The following NCOA7 variants were observed in gnomAD, a reference collection of about 807,000 sequenced individuals.
NCOA7 encodes 140 kDa estrogen receptor-associated protein.
NCOA7 carries 45 observed loss-of-function variants against 104.3 expected under a neutral mutation model. The observed-to-expected ratio is 0.43, with a 90% CI of 0.34 to 0.55. The LOEUF (loss-of-function observed/expected upper bound fraction) is 0.55, where lower values mean the gene tolerates loss of function less well. Ranked by LOEUF, NCOA7 falls within the 20% of genes least tolerant of loss-of-function variation. The pLI is 0.02. For missense variants in NCOA7, 1,041 were observed against 1,119.7 expected (o/e 0.93, Z 1.00); for synonymous variants, 398 against 402.3 (o/e 0.99, Z 0.13).
intron 2 of NCOA7, among the ~76,000 whole-genome samples, chr6:125,840,867 G>GTTTTTTTTTTTTT (rs1305583308): frequency 2.0e-4 from 10 of 50,656 alleles, no homozygotes; most frequent in South Asian, 7.1e-4. Context: ...TTGTTTGGTT[G>GTTTTTTTTTTTTT]GTTTTTTTTT....
intron 2 of NCOA7, among the ~76,000 whole-genome samples, chr6:125,837,171 T>C (rs1779685228): frequency 6.6e-6 from 1 of 152,200 alleles, no homozygotes; most frequent in Admixed American, 6.5e-5. Flanking sequence ...AAGGTTTATA[T>C]CAATTTATGA....
intron 10 of NCOA7, among the ~76,000 whole-genome samples, chr6:125,900,450 A>G (rs533868924): frequency 1.3e-5 from 2 of 152,248 alleles, no homozygotes; most frequent in Non-Finnish European, 2.9e-5. Flanking sequence ...CTTTCTCAAC[A>G]GAGCGTTCCT....
At chr6:125,819,574 T>A (rs977806900) in intron 2 of NCOA7, among the ~76,000 whole-genome samples, 3 of 152,198 alleles carry the variant, frequency 2.0e-5, no homozygotes. Flanking sequence ...GCAAAATTAG[T>A]ATATGTCTAT....
At chr6:125,808,820 T>A (rs1776696779) in intron 1 of NCOA7, among the ~76,000 whole-genome samples, 1 of 152,248 alleles carries the variant, frequency 6.6e-6, no homozygotes, top group Non-Finnish European at 1.5e-5. Context: ...ATGATCTGTC[T>A]AGCCCAGAGA....
At chr6:125,783,868 T>G (rs2128536578) in intron 1 of NCOA7, among the ~76,000 whole-genome samples, 1 of 152,346 alleles carries the variant, frequency 6.6e-6, no homozygotes, top group Middle Eastern at 3.4e-3. Flanking sequence ...GGGTGTTCAT[T>G]ATTTAAATGG....
At chr6:125,879,717 G>A (rs1191265577) in intron 5 of NCOA7, among the ~76,000 whole-genome samples, 2 of 152,042 alleles carry the variant, frequency 1.3e-5, no homozygotes, top group Non-Finnish European at 2.9e-5. Context: ...ATTATATTTG[G>A]CCGGGCACAG....
At chr6:125,842,257 G>A (rs559360756) in intron 2 of NCOA7, among the ~76,000 whole-genome samples, 1 of 152,270 alleles carries the variant, frequency 6.6e-6, no homozygotes, top group Admixed American at 6.5e-5. Flanking sequence ...AGTTTAAGTA[G>A]TTAACGGGAA....
At chr6:125,902,708 T>C (rs1785621104) in intron 10 of NCOA7, among the ~76,000 whole-genome samples, 2 of 152,144 alleles carry the variant, frequency 1.3e-5, no homozygotes, top group African/African-American at 4.8e-5. Context: ...GTGACAGGCT[T>C]TTATGAACTA....
intron 1 of NCOA7, among the ~76,000 whole-genome samples, chr6:125,814,477 T>C (rs1379775328): frequency 6.6e-6 from 1 of 152,180 alleles, no homozygotes; most frequent in East Asian, 1.9e-4. Context: ...TTAAATTTGA[T>C]AGGTGAACAA....
At chr6:125,813,999 A>G (rs1777332832) in intron 1 of NCOA7, among the ~76,000 whole-genome samples, 1 of 152,186 alleles carries the variant, frequency 6.6e-6, no homozygotes, top group African/African-American at 2.4e-5. Context: ...AAGACAATAT[A>G]TACTGTTAGA....
In NCOA7 at chr6:125,854,737, A is replaced by G. The variant is rs78328502; in HGVS notation, c.51-283A>G. Among the ~76,000 whole-genome samples, 1,267 of 152,326 alleles carry G rather than the reference A, an allele frequency of 8.3e-3. 27 individuals carry two copies. Among genetic ancestry groups the G allele is most frequent in the Admixed American group, 0.04 (607 of 15,298 alleles). Reference sequence around the variant, plus strand: ...AAAAATACTCAACATTTCTTAGCCTATGGAAGAATCTCATTTTTCCTCAGG... The same window carrying G: ...AAAAATACTCAACATTTCTTAGCCTGTGGAAGAATCTCATTTTTCCTCAGG... On this transcript the variant is annotated intron_variant, in intron 2 of 15. Transcript: ENST00000392477.
At chr6:125,848,565 C>A (rs943001256) in intron 2 of NCOA7, among the ~76,000 whole-genome samples, 2 of 152,106 alleles carry the variant, frequency 1.3e-5, no homozygotes, top group Non-Finnish European at 2.9e-5. Flanking sequence ...AAACCAAACA[C>A]CGAATGTTCT....
At chr6:125,925,632 T>C (rs1787956156) in intron 13 of NCOA7, among the ~76,000 whole-genome samples, 1 of 152,230 alleles carries the variant, frequency 6.6e-6, no homozygotes, top group Non-Finnish European at 1.5e-5. Flanking sequence ...GTTATATCTG[T>C]ATATATTACA....
At chr6:125,818,663 A>C (rs987599196) in intron 2 of NCOA7, 2 of 152,306 alleles carry the variant, frequency 1.3e-5, no homozygotes, top group Non-Finnish European at 2.9e-5. Context: ...AGAAATGGTC[A>C]AGCTATTAAA....
At chr6:125,878,803 G>T (rs1233357885) in intron 5 of NCOA7, among the ~76,000 whole-genome samples, 1 of 152,216 alleles carries the variant, frequency 6.6e-6, no homozygotes, top group Admixed American at 6.5e-5. Flanking sequence ...ATTGGCATAT[G>T]TGTTGGGAGC....
chr6:125,867,337 T>C (rs1467931870), intron 3 of NCOA7, among the ~76,000 whole-genome samples: 4 of 152,366 alleles, frequency 2.6e-5, no homozygotes, highest in South Asian at 2.1e-4. Context: ...TTTGACTAGA[T>C]TTCAGAACCA....
chr6:125,801,760 A>G lies in NCOA7; in HGVS notation c.-65+10693A>G, dbSNP rs1430052703. ...ATTCTCCTTTTGTGTCTCTATCACT[A>G]CATGGCCATCTTCTTATGGGGATTC... On this transcript the variant is annotated intron_variant, in intron 1 of 15. Transcript: ENST00000392477. 2.0e-5 allele frequency among the ~76,000 whole-genome samples: 3 copies of G among 152,226 alleles called. No homozygotes were observed. The East Asian group carries it at 5.8e-4, about 29-fold the overall frequency.
At chr6:125,819,756 A>G (rs1777990888) in intron 2 of NCOA7, among the ~76,000 whole-genome samples, 1 of 152,150 alleles carries the variant, frequency 6.6e-6, no homozygotes, top group Admixed American at 6.5e-5. Flanking sequence ...CCTTGTAGTT[A>G]GAATGCAAAA....
At chr6:125,866,782 C>T (rs996511859) in intron 3 of NCOA7, among the ~76,000 whole-genome samples, 14 of 152,132 alleles carry the variant, frequency 9.2e-5, no homozygotes, top group African/African-American at 3.4e-4. Context: ...GATGTCACTG[C>T]AATGTTTTAA....
Sources: allele counts gnomAD v4.1 joint callset (sites outside exome capture counted in the v4.1 genomes callset), GRCh38; gene constraint gnomAD v4.1.1; transcripts MANE v1.5; gene names NCBI Gene and HGNC (gene_info 2026-07-23, HGNC 2026-07-21).